Variants in SEMA6D observed in about 807,000 individuals in gnomAD.
SEMA6D encodes the protein semaphorin-6D.
In SEMA6D, 35 loss-of-function variants were observed where a neutral mutation model predicts 106.6. The observed-to-expected ratio is 0.33, with a 90% CI of 0.25 to 0.44. SEMA6D has a LOEUF of 0.44. SEMA6D is among the 20% of genes least tolerant of loss of function. The pLI is 1.00. For synonymous variants in SEMA6D, 499 were observed against 487.7 expected, an observed-to-expected ratio of 1.02 and a Z score of -0.31; for missense variants, 1,185 against 1,345.9, an observed-to-expected ratio of 0.88 and a Z score of 1.87.
chr15:47,400,263 G>A (rs1012000338), intron 1 of SEMA6D, among the ~76,000 whole-genome samples: 1 of 152,158 alleles, frequency 6.6e-6, no homozygotes, highest in African/African-American at 2.4e-5. Flanking sequence ...GCCAGGGTAG[G>A]TGGATGACCT....
At chr15:47,426,264 T>A (rs575368638) in intron 2 of SEMA6D, among the ~76,000 whole-genome samples, 1 of 152,120 alleles carries the variant, frequency 6.6e-6, no homozygotes, top group Non-Finnish European at 1.5e-5. Flanking sequence ...CTTAGCTTCA[T>A]GTGGCTGGTA....
At chr15:47,719,136 A>T (rs187482298) in intron 1 of SEMA6D, among the ~76,000 whole-genome samples, 1 of 149,456 alleles carries the variant, frequency 6.7e-6, no homozygotes, top group East Asian at 2.0e-4. Flanking sequence ...TAAAAGGCGA[A>T]ATGTCAGGGA....
At chr15:47,294,761 C>G (rs1294176398) in intron 1 of SEMA6D, among the ~76,000 whole-genome samples, 1 of 152,118 alleles carries the variant, frequency 6.6e-6, no homozygotes, top group Non-Finnish European at 1.5e-5. Context: ...CATTTTTCCC[C>G]TACCTATAAT....
At chr15:47,489,271 C>T (rs763753378) in intron 3 of SEMA6D, among the ~76,000 whole-genome samples, 2 of 152,120 alleles carry the variant, frequency 1.3e-5, no homozygotes, top group African/African-American at 4.8e-5. Context: ...GAGGGGGCAC[C>T]GCCCTGCCAA....
At chr15:47,310,178 A>G (rs1316711984) in intron 1 of SEMA6D, among the ~76,000 whole-genome samples, 3 of 152,188 alleles carry the variant, frequency 2.0e-5, no homozygotes, top group Admixed American at 6.5e-5. Context: ...TTCATGTGGT[A>G]AGTGTTTACT....
At chr15:47,334,023 C>G (rs771730522) in intron 1 of SEMA6D, among the ~76,000 whole-genome samples, 47 of 152,150 alleles carry the variant, frequency 3.1e-4, no homozygotes, top group Admixed American at 9.2e-4. Flanking sequence ...AAGATCTGAA[C>G]AGTTAGGTCT....
At chr15:47,672,371 G>A (rs946138645) in intron 4 of SEMA6D, among the ~76,000 whole-genome samples, 6 of 152,080 alleles carry the variant, frequency 3.9e-5, no homozygotes, top group Non-Finnish European at 5.9e-5. Flanking sequence ...GGTATTTGCC[G>A]GAATATCTAA....
At chr15:47,302,919 G>A (rs1489615894) in intron 1 of SEMA6D, among the ~76,000 whole-genome samples, 4 of 152,136 alleles carry the variant, frequency 2.6e-5, no homozygotes, top group Non-Finnish European at 5.9e-5. Context: ...ATTTATTATA[G>A]CAGCCACAGA....
chr15:47,506,287 C>T (rs1266780992), intron 3 of SEMA6D, among the ~76,000 whole-genome samples: 1 of 152,106 alleles, frequency 6.6e-6, no homozygotes. Flanking sequence ...TAGAGGGCAC[C>T]TTTAGGTTTG....
intron 1 of SEMA6D, among the ~76,000 whole-genome samples, chr15:47,244,060 G>T (rs2033073086): frequency 1.3e-5 from 2 of 152,106 alleles, no homozygotes; most frequent in Non-Finnish European, 2.9e-5. Context: ...GAGAGTATGT[G>T]GTTATGCTAG....
chr15:47,299,837 G>A (rs949756759), intron 1 of SEMA6D, among the ~76,000 whole-genome samples: 4 of 152,126 alleles, frequency 2.6e-5, no homozygotes, highest in Non-Finnish European at 5.9e-5. Context: ...AGATCCTGTA[G>A]GTACTTGATG....
In SEMA6D at chr15:47,763,958, G is replaced by T; in HGVS notation, c.856G>T (p.Val286Phe). 6.2e-7 allele frequency: 1 copy of T among 1,613,990 alleles called. No individual in the cohort carries two copies. ...TCTAAAGGCTCGGCTGAACTGTTCTGTCCCTGGAGATTCGTTTTTCTACTT... is the reference window on the plus strand; with the variant it reads ...TCTAAAGGCTCGGCTGAACTGTTCTTTCCCTGGAGATTCGTTTTTCTACTT... The part of the protein sequence containing the change: ...SFLKARLNCS[V>F]PGDSFFYFDV... The change falls in exon 10 of 19, where the codon GTC becomes TTC. Residue 286 changes from valine to phenylalanine, a missense_variant. By Grantham distance (50) the Val-to-Phe change is conservative. Around this residue, in one of 3 missense-constraint regions of SEMA6D, gnomAD observed 291 missense variants for 423.8 expected, o/e 0.69. Transcript: ENST00000536845.
chr15:47,537,125 T>A (rs1180851949), intron 3 of SEMA6D, among the ~76,000 whole-genome samples: 3 of 152,186 alleles, frequency 2.0e-5, no homozygotes, highest in Non-Finnish European at 4.4e-5. Context: ...TCTTCCAGCA[T>A]AATTTGGAAA....
intron 4 of SEMA6D, among the ~76,000 whole-genome samples, chr15:47,612,063 A>G (rs1025081034): frequency 6.6e-6 from 1 of 152,190 alleles, no homozygotes; most frequent in Non-Finnish European, 1.5e-5. Context: ...TCATGTCTAT[A>G]AAGTGGAATT....
In SEMA6D at chr15:47,448,728, A is replaced by G. The variant is rs571298346; in HGVS notation, c.-158-21746A>G. The stretch of plus-strand genomic sequence containing the variant: ...ACTTTAAAGTGTTGCCTACAAGAGC[A>G]TCCTCATTGAGAAAGGGACCTGTTC... On this transcript the variant is annotated intron_variant, in intron 2 of 19. Coordinates refer to the SEMA6D transcript ENST00000558014. Among the ~76,000 whole-genome samples the G allele has an allele frequency of 5.5e-4, 83 of 152,094 alleles. 1 individual carries two copies. The highest frequency in any genetic ancestry group is 1.0e-3 in the Non-Finnish European group (71 of 68,006).
intron 4 of SEMA6D, among the ~76,000 whole-genome samples, chr15:47,624,917 G>A (rs578222525): frequency 1.3e-5 from 2 of 152,258 alleles, no homozygotes; most frequent in African/African-American, 2.4e-5. Context: ...CACATAGACT[G>A]GAGAAGGGAA....
At position 47,636,751 on chromosome 15, in the gene SEMA6D, G is replaced by A. The variant is rs887086720; in HGVS notation, c.-55+35855G>A. On this transcript the variant is annotated intron_variant, in intron 4 of 19. Transcript: ENST00000558014. ...GGAAGAAGGCAGTATATTGGCTTTT[G>A]TCCTGTGGCAACACTACTGTAGAAC... 5.9e-5 allele frequency among the ~76,000 whole-genome samples: 9 copies of A among 152,284 alleles called. No individual in the cohort carries two copies. In the South Asian group the frequency reaches 1.0e-3, roughly 18 times the overall value.
intron 1 of SEMA6D, among the ~76,000 whole-genome samples, chr15:47,196,312 A>T (rs1894355219): frequency 6.6e-6 from 1 of 152,256 alleles, no homozygotes. Flanking sequence ...CCGGAGGGTA[A>T]TTGAGCCTGC....
chr15:47,704,169 A>G (rs755024050), intron 4 of SEMA6D, among the ~76,000 whole-genome samples: 22 of 152,158 alleles, frequency 1.4e-4, no homozygotes, highest in Non-Finnish European at 1.9e-4. Flanking sequence ...AAATTTTTGT[A>G]GAGATAAGGT....
Sources: allele counts gnomAD v4.1 joint callset (sites outside exome capture counted in the v4.1 genomes callset), GRCh38; gene constraint gnomAD v4.1.1; regional missense constraint gnomAD v4.1.1; transcripts MANE v1.5; gene names NCBI Gene and HGNC (gene_info 2026-07-23, HGNC 2026-07-21).